The following KCNQ1 variants were observed in gnomAD, a reference collection of about 807,000 sequenced individuals.
KCNQ1 encodes potassium voltage-gated channel subfamily KQT member 1.
In KCNQ1, 49 loss-of-function variants were observed where a neutral mutation model predicts 72.4. The ratio of observed to expected loss-of-function variants is 0.68; its 90% confidence interval spans 0.54 to 0.86. The LOEUF is 0.86. Ranked by LOEUF, KCNQ1 falls within the 40% of genes least tolerant of loss-of-function variation. The pLI is 0.00. For missense variants in KCNQ1, 790 were observed against 945.1 expected (o/e 0.84, Z 2.15); for synonymous variants, 450 against 412.6 (o/e 1.09, Z -1.10).
intron 11 of KCNQ1, chr11:2,680,206 T>TA (rs139249507): frequency 0.055 from 19,644 of 357,180 alleles, 429 homozygotes; most frequent in African/African-American, 0.11. Flanking sequence ...CTTGCCTAAT[T>TA]AAAAAAAAAA....
At position 2,674,858 on chromosome 11, in the gene KCNQ1, A is replaced by G; in HGVS notation, c.1514+12777A>G. On this transcript the variant is annotated intron_variant, in intron 11 of 15. Transcript: ENST00000155840. This position sits in a 1 kb window ranked among gnomAD's most constrained non-coding sequence, Gnocchi z 5.9. ...AAAAAAAAAAAAAAAAAAAAAAAAA[A>G]AAGCTCACTGGGCACCTTGGCTGCA... 1 of 397,538 alleles carries G rather than the reference A, an allele frequency of 2.5e-6. No homozygotes were observed. The highest frequency in any genetic ancestry group is 3.6e-5 in the East Asian group (1 of 28,060). 24.6% of individuals were successfully genotyped at this position (397,538 alleles called of 1,614,324 possible).
intron 11 of KCNQ1, chr11:2,684,192 C>A: frequency 2.5e-6 from 1 of 398,618 alleles, no homozygotes; most frequent in South Asian, 1.3e-4. Flanking sequence ...GGGGCTTGGT[C>A]AGACTCTGCC....
chr11:2,804,821 G>A (rs999143862), intron 15 of KCNQ1, among the ~76,000 whole-genome samples: 1 of 152,170 alleles, frequency 6.6e-6, no homozygotes, highest in African/African-American at 2.4e-5. Flanking sequence ...TGAAACTGAT[G>A]CTGCTGTTCA....
chr11:2,617,985 G>A lies in KCNQ1; in HGVS notation c.1393+29131G>A, dbSNP rs1849095916. ...AATATTTTCTTCTAGTCCATAGGTT[G>A]CCTTTTCCTTTTGTTGACTGTTTCC... is the stretch of plus-strand genomic sequence containing the variant. On this transcript the variant is annotated intron_variant, in intron 10 of 15. Transcript: ENST00000155840. The surrounding 1 kb of genome is among the most constrained non-coding windows in gnomAD (Gnocchi z 4.6). 1 of 398,480 alleles carries A rather than the reference G, an allele frequency of 2.5e-6. No homozygotes were observed. Among genetic ancestry groups the A allele is most frequent in the Non-Finnish European group, 4.4e-6 (1 of 226,040 alleles). 24.7% of individuals were successfully genotyped at this position (398,480 alleles called of 1,614,324 possible). A position where few individuals can be genotyped will look rare whatever the true frequency, so the allele number is the denominator to read the frequency against.
chr11:2,696,307 A>G (rs1850675311), intron 11 of KCNQ1: 2 of 398,542 alleles, frequency 5.0e-6, no homozygotes, highest in African/African-American at 2.1e-5. Flanking sequence ...TTAGGAATCC[A>G]TATTCCTATT....
intron 11 of KCNQ1, chr11:2,662,310 A>G (rs1849974478): frequency 1.9e-5 from 11 of 590,948 alleles, no homozygotes; most frequent in Non-Finnish European, 3.3e-5. Context: ...GACTTATGGA[A>G]AACCAGACTG....
At position 2,509,424 on chromosome 11, in the gene KCNQ1, C is replaced by A. The variant is rs976561057; in HGVS notation, c.387-18504C>A. Among the ~76,000 whole-genome samples, 2 of 152,092 alleles carry A rather than the reference C, an allele frequency of 1.3e-5. No individual in the cohort carries two copies. The highest frequency in any genetic ancestry group is 4.8e-5 in the African/African-American group (2 of 41,420). ...GGCTCCCTTTGCTCCAGTGAGTGGC[C>A]GTTGGCTGGGAGGCTGGGTCTGTGC... On this transcript the variant is annotated intron_variant, in intron 1 of 15. Coordinates refer to ENST00000155840, the MANE Select transcript of KCNQ1 (RefSeq NM_000218.3). This position sits in a 1 kb window ranked among gnomAD's most constrained non-coding sequence, Gnocchi z 6.3.
rs1244508835 is a variant in KCNQ1 at position 2,494,374 on chromosome 11, C to T, written c.387-33554C>T. On this transcript the variant is annotated intron_variant, in intron 1 of 15. Coordinates refer to ENST00000155840, the MANE Select transcript of KCNQ1 (RefSeq NM_000218.3). This position sits in a 1 kb window ranked among gnomAD's most constrained non-coding sequence, Gnocchi z 4.6. ...GCCTTATTGTCCTGGCCAGAACTTC[C>T]AATACTATGTTGAATGGGAGTGGTG... is the stretch of plus-strand genomic sequence containing the variant. Among the ~76,000 whole-genome samples the T allele has an allele frequency of 2.6e-5, 4 of 152,094 alleles. No homozygotes were observed. Among genetic ancestry groups the T allele is most frequent in the South Asian group, 2.1e-4 (1 of 4,828 alleles).
intron 11 of KCNQ1, chr11:2,680,359 G>C: frequency 2.5e-6 from 1 of 397,960 alleles, no homozygotes; most frequent in Non-Finnish European, 4.4e-6. Flanking sequence ...AATAGAAGCA[G>C]TTTACCCACA....
At chr11:2,469,952 G>A (rs1399862759) in intron 1 of KCNQ1, among the ~76,000 whole-genome samples, 2 of 152,110 alleles carry the variant, frequency 1.3e-5, no homozygotes, top group African/African-American at 4.8e-5. Context: ...GAGCCACCAC[G>A]CCCGGCCCTT....
chr11:2,733,909 C>T (rs1845909186), intron 11 of KCNQ1, among the ~76,000 whole-genome samples: 1 of 150,224 alleles, frequency 6.7e-6, no homozygotes, highest in Non-Finnish European at 1.5e-5. Context: ...CTGCCAGGCG[C>T]ACCACCCCCG....
chr11:2,840,552 G>A (rs910421631), intron 15 of KCNQ1: 2 of 152,168 alleles, frequency 1.3e-5, no homozygotes, highest in African/African-American at 4.8e-5. Flanking sequence ...GCGTTGGAAT[G>A]GAGGAGGCCC....
chr11:2,572,174 C>G, intron 5 of KCNQ1, 65 bp downstream of exon 5: 1 of 1,267,936 alleles, frequency 7.9e-7, no homozygotes, highest in Non-Finnish European at 1.1e-6. Flanking sequence ...GCAGAGCAGC[C>G]CACACTAGGA....
chr11:2,629,589 T>C (rs1459509861), intron 10 of KCNQ1: 3 of 398,408 alleles, frequency 7.5e-6, no homozygotes, highest in African/African-American at 6.2e-5. Context: ...GAAAAGAGAA[T>C]CCATTTGCCA....
chr11:2,695,590 C>T lies in KCNQ1; in HGVS notation c.1514+33509C>T, dbSNP rs1850661668. 5.0e-6 allele frequency: 2 copies of T among 398,496 alleles called. No individual in the cohort carries two copies. Among genetic ancestry groups the T allele is most frequent in the South Asian group, 2.5e-4 (2 of 7,856 alleles). 24.7% of individuals were successfully genotyped at this position (398,496 alleles called of 1,614,324 possible). The stretch of plus-strand genomic sequence containing the variant: ...TGCACACACACAGCCTCTCGTTGTT[C>T]TGGGTGAGAACTGCTCCAGCATGTT... On this transcript the variant is annotated intron_variant, in intron 11 of 15. Coordinates refer to ENST00000155840, the MANE Select transcript of KCNQ1 (RefSeq NM_000218.3). This position sits in a 1 kb window ranked among gnomAD's most constrained non-coding sequence, Gnocchi z 5.2.
intron 1 of KCNQ1, among the ~76,000 whole-genome samples, chr11:2,525,429 C>T (rs1847481987): frequency 6.6e-6 from 1 of 152,228 alleles, no homozygotes; most frequent in Non-Finnish European, 1.5e-5. Flanking sequence ...GGATTATAGT[C>T]CCAGAGACAG....
intron 2 of KCNQ1, among the ~76,000 whole-genome samples, chr11:2,532,074 T>C (rs571412275): frequency 7.9e-5 from 12 of 152,052 alleles, no homozygotes; most frequent in Non-Finnish European, 1.6e-4. Flanking sequence ...TCCTCGGGAG[T>C]GTCAGCACTC....
chr11:2,623,274 C>A lies in KCNQ1; in HGVS notation c.1393+34420C>A, dbSNP rs1849204304. 1 of 398,626 alleles carries A rather than the reference C, an allele frequency of 2.5e-6. No homozygotes were observed. Among genetic ancestry groups the A allele is most frequent in the African/African-American group, 2.1e-5 (1 of 48,628 alleles). The allele number at this position is 398,626 out of a possible 1,614,324, so 24.7% of individuals were successfully genotyped here. On this transcript the variant is annotated intron_variant, in intron 10 of 15. Coordinates refer to ENST00000155840, the MANE Select transcript of KCNQ1 (RefSeq NM_000218.3). This position sits in a 1 kb window ranked among gnomAD's most constrained non-coding sequence, Gnocchi z 5.2. ...TGAGTCAATTAAACCTCTTTTCTCA[C>A]AAATTACCCAGTCTCAGGTAGTTCT...
intron 11 of KCNQ1, among the ~76,000 whole-genome samples, chr11:2,765,934 A>T (rs1474787263): frequency 6.6e-6 from 1 of 152,078 alleles, no homozygotes; most frequent in African/African-American, 2.4e-5. Flanking sequence ...CTACCATCTT[A>T]TGCTTCTTTT....
Sources: gnomAD v4.1 joint callset for allele counts (sites outside exome capture counted in the v4.1 genomes callset) on GRCh38, gnomAD v4.1.1 for gene constraint, Gnocchi (gnomAD v3.1) non-coding constraint, MANE v1.5 for transcripts, NCBI Gene and HGNC (gene_info 2026-07-23, HGNC 2026-07-21) for gene names.